LARS1: variants seen among roughly 807,000 people sequenced by gnomAD.
LARS1 encodes the protein leucyl-tRNA synthetase 1, also known as leucine--tRNA ligase, cytoplasmic.
A neutral mutation model predicts 162.8 loss-of-function variants in LARS1; 100 were observed. The observed-to-expected ratio is 0.61, with a 90% CI of 0.52 to 0.73. The LOEUF (loss-of-function observed/expected upper bound fraction) is 0.73, where lower values mean the gene tolerates loss of function less well. LARS1 is among the 30% of genes least tolerant of loss of function. The pLI, the probability that LARS1 is intolerant of heterozygous loss-of-function variation, is 0.00. For missense variants in LARS1, 1,258 were observed against 1,408.9 expected (o/e 0.89, Z 1.71); for synonymous variants, 457 against 462.8 (o/e 0.99, Z 0.16).
At position 146,175,947 on chromosome 5, in the gene LARS1, G is replaced by A. The variant is rs138580888; in HGVS notation, c.125+1600C>T. Among the ~76,000 whole-genome samples the A allele has an allele frequency of 2.2e-3, 331 of 152,106 alleles. 3 individuals are homozygous for A. The highest frequency in any genetic ancestry group is 7.8e-3 in the African/African-American group (322 of 41,512). ...AGGCAGAAGGATCACTTGAAGCCAGGAGTTTGAGACCAGCCTGGGCAACAT... is the reference window on the plus strand; with the variant it reads ...AGGCAGAAGGATCACTTGAAGCCAGAAGTTTGAGACCAGCCTGGGCAACAT... On this transcript the variant is annotated intron_variant, in intron 2 of 31. Transcript: ENST00000394434.
chr5:146,178,917 A>G (rs982021451), intron 1 of LARS1, among the ~76,000 whole-genome samples: 1 of 152,060 alleles, frequency 6.6e-6, no homozygotes, highest in African/African-American at 2.4e-5. Context: ...CAACATAGAA[A>G]GACCTCCTCT....
At chr5:146,158,704 A>T (rs1224409850) in intron 8 of LARS1, among the ~76,000 whole-genome samples, 1 of 152,176 alleles carries the variant, frequency 6.6e-6, no homozygotes, top group Non-Finnish European at 1.5e-5. Flanking sequence ...CACATATCTT[A>T]TTACCTCTCC....
chr5:146,143,158 C>T (rs1181871207), intron 19 of LARS1, 74 bp from the exon 20 acceptor site: 3 of 876,506 alleles, frequency 3.4e-6, no homozygotes, highest in African/African-American at 1.7e-5. Context: ...GTACCTGAAT[C>T]GAAACATGGA....
At chr5:146,142,689 G>A in intron 20 of LARS1, 183 bp downstream of exon 20, 1 of 546,038 alleles carries the variant, frequency 1.8e-6, no homozygotes, top group Non-Finnish European at 3.2e-6. Context: ...GTAGGTATGT[G>A]GATTTCTGGA....
intron 10 of LARS1, among the ~76,000 whole-genome samples, chr5:146,154,362 C>T (rs1561819340): frequency 6.6e-6 from 1 of 152,168 alleles, no homozygotes; most frequent in Non-Finnish European, 1.5e-5. Flanking sequence ...TAACTCTTCT[C>T]ACCACAGAAA....
At chr5:146,135,737 A>G in intron 21 of LARS1, 73 bp from the exon 22 acceptor site, 1 of 1,076,200 alleles carries the variant, frequency 9.3e-7, no homozygotes, top group Non-Finnish European at 1.3e-6. Flanking sequence ...AATAAAATTA[A>G]CTAGGTTGGC....
In LARS1 at chr5:146,130,139, C is replaced by T. The variant is rs781310755; in HGVS notation, c.2507G>A (p.Arg836His). 2.5e-5 allele frequency: 41 copies of T among 1,612,934 alleles called. No individual in the cohort carries two copies. The highest frequency in any genetic ancestry group is 1.1e-4 in the East Asian group (5 of 44,870). Residue 836 changes from arginine (R) to histidine (H), a missense_variant, in exon 25 of 32, where the codon CGT becomes CAT. Arg to His is a conservative substitution (Grantham distance 29). Coordinates refer to ENST00000394434, the MANE Select transcript of LARS1 (RefSeq NM_020117.11). ...FEFQAAKDKY[R>H]ELAVEGMHRE... ...GTGCATCCCTTCCACAGCCAATTCA[C>T]GGTACTTATCTTTTGCGGCCTATAA...
At chr5:146,173,904 A>G (rs1298136731) in intron 2 of LARS1, among the ~76,000 whole-genome samples, 1 of 152,142 alleles carries the variant, frequency 6.6e-6, no homozygotes, top group Non-Finnish European at 1.5e-5. Flanking sequence ...AAAAAAAGGC[A>G]TACTTCATAT....
rs149843075 is a variant in LARS1 at position 146,119,653 on chromosome 5, C to T, written c.3325+718G>A. Among the ~76,000 whole-genome samples the T allele has an allele frequency of 3.2e-3, 494 of 152,092 alleles. 4 individuals are homozygous for T. Among genetic ancestry groups the T allele is most frequent in the African/African-American group, 0.01 (433 of 41,494 alleles). On this transcript the variant is annotated intron_variant, in intron 31 of 31. Transcript: ENST00000394434. ...CTCACCGTAGGACCTGGCTGGATGA[C>T]GAAAAGAAAAGCCATAAATTATTAC...
At position 146,140,242 on chromosome 5, in the gene LARS1, C is replaced by A. The variant is rs749965720; in HGVS notation, c.2110G>T (p.Val704Leu). The A allele has an allele frequency of 6.2e-7, 1 of 1,611,266 alleles. No individual in the cohort carries two copies. Among genetic ancestry groups the A allele is most frequent in the Non-Finnish European group, 8.5e-7 (1 of 1,177,334 alleles). Reference protein sequence around the residue: ...PEQSDKWPTAVRANGHLLLNS... With the variant: ...PEQSDKWPTALRANGHLLLNS... ...AGGAGGAGATGTCCATTTGCTCTCA[C>A]AGCTGTAGGCCATTTGTCACTTCAC... Residue 704 changes from valine to leucine, a missense_variant, in exon 21 of 32, where the codon GTG becomes TTG. Coordinates refer to ENST00000394434, the MANE Select transcript of LARS1 (RefSeq NM_020117.11).
chr5:146,176,024 T>C (rs1356596182), intron 2 of LARS1, among the ~76,000 whole-genome samples: 5 of 151,876 alleles, frequency 3.3e-5, no homozygotes, highest in Non-Finnish European at 7.4e-5. Flanking sequence ...TGGTGGCGCA[T>C]GCCTGTAGTC....
rs148025694 is a variant in LARS1 at position 146,128,666 on chromosome 5, C to T, written c.2880+6G>A. 4 of 1,538,120 alleles carry T rather than the reference C, an allele frequency of 2.6e-6. No homozygotes were observed. The highest frequency in any genetic ancestry group is 2.5e-5 in the South Asian group (2 of 79,454). On this transcript the variant is annotated splice_donor_region_variant and intron_variant, in intron 27 of 31. Coordinates refer to ENST00000394434, the MANE Select transcript of LARS1 (RefSeq NM_020117.11). The stretch of plus-strand genomic sequence containing the variant: ...TCAGGGGGGAAAAGTCTACTGAGAG[C>T]ATCACCTCAAAGTGTTTACGTAGAA...
At chr5:146,140,790 G>C (rs1224121974) in intron 20 of LARS1, among the ~76,000 whole-genome samples, 4 of 151,938 alleles carry the variant, frequency 2.6e-5, no homozygotes, top group African/African-American at 4.8e-5. Context: ...AGGCGACAAA[G>C]CAAGACTCCC....
At chr5:146,162,730 T>G (rs752263062) in intron 6 of LARS1, among the ~76,000 whole-genome samples, 2 of 152,264 alleles carry the variant, frequency 1.3e-5, no homozygotes, top group African/African-American at 2.4e-5. Flanking sequence ...TTTGTCTACA[T>G]AGAAAATCTG....
At chr5:146,140,844 C>T (rs940327207) in intron 20 of LARS1, among the ~76,000 whole-genome samples, 4 of 152,036 alleles carry the variant, frequency 2.6e-5, no homozygotes, top group African/African-American at 7.2e-5. Context: ...TATAAATATA[C>T]ACACATATAT....
Position 146,182,448 on chromosome 5 carries a change from G to C in LARS1, c.6+40C>G, listed in dbSNP as rs1414546743. 6.2e-6 allele frequency: 10 copies of C among 1,613,576 alleles called. No individual in the cohort carries two copies. The African/African-American group carries it at 9.3e-5, about 15-fold the overall frequency. On this transcript the variant is annotated intron_variant, in intron 1 of 31. Transcript: ENST00000394434. ...AGAGCCCCTAGAGACTGGCCAGTCC[G>C]GCTCCAGGGCCCCTGCGGATTCTTC... is the stretch of plus-strand genomic sequence containing the variant.
chr5:146,166,716 A>G (rs1754022142), intron 5 of LARS1, among the ~76,000 whole-genome samples: 1 of 152,202 alleles, frequency 6.6e-6, no homozygotes, highest in Non-Finnish European at 1.5e-5. Flanking sequence ...GAAAATCATG[A>G]TTAGAAGACT....
At chr5:146,116,842 C>G (rs973311146) in intron 31 of LARS1, among the ~76,000 whole-genome samples, 2 of 152,182 alleles carry the variant, frequency 1.3e-5, no homozygotes, top group Non-Finnish European at 2.9e-5. Context: ...CTCAATACAA[C>G]TGGCACTAAT....
intron 21 of LARS1, chr5:146,138,780 C>T: frequency 5.8e-6 from 1 of 171,978 alleles, no homozygotes. Context: ...GGTGTTTATG[C>T]TCAAGATGAA....
Sources: gnomAD v4.1 joint callset for allele counts (sites outside exome capture counted in the v4.1 genomes callset) on GRCh38, gnomAD v4.1.1 for gene constraint, MANE v1.5 for transcripts, NCBI Gene and HGNC (gene_info 2026-07-23, HGNC 2026-07-21) for gene names.